The following FAR2 variants were observed in gnomAD, a reference collection of about 807,000 sequenced individuals.
FAR2 encodes the protein fatty acyl-CoA reductase 2.
FAR2 carries 19 observed loss-of-function variants against 56.0 expected under a neutral mutation model. The ratio of observed to expected loss-of-function variants is 0.34; its 90% confidence interval spans 0.24 to 0.50. The LOEUF (loss-of-function observed/expected upper bound fraction) is 0.50. Ranked by LOEUF, FAR2 falls within the 20% of genes least tolerant of loss-of-function variation. The pLI is 0.98. For missense variants in FAR2, 508 were observed against 642.2 expected (o/e 0.79, Z 2.26); for synonymous variants, 219 against 218.8 (o/e 1.00, Z -0.01).
chr12:29,331,287 G>T (rs1450678770), intron 10 of FAR2: 1 of 150,946 alleles, frequency 6.6e-6, no homozygotes, highest in Non-Finnish European at 1.5e-5. Context: ...GGAGAGAGAA[G>T]AGTGCCCAAT....
At chr12:29,197,153 C>G (rs1591844372) in intron 1 of FAR2, among the ~76,000 whole-genome samples, 1 of 152,124 alleles carries the variant, frequency 6.6e-6, no homozygotes, top group Non-Finnish European at 1.5e-5. Context: ...TCAATACTAA[C>G]TTTAGCCTGT....
intron 2 of FAR2, among the ~76,000 whole-genome samples, chr12:29,275,198 T>C (rs539600975): frequency 2.0e-5 from 3 of 151,540 alleles, no homozygotes; most frequent in East Asian, 2.0e-4. Flanking sequence ...GGCCGTTTTA[T>C]AGGATTTGGG....
chr12:29,279,745 T>C (rs1948757423), intron 2 of FAR2, among the ~76,000 whole-genome samples: 1 of 152,116 alleles, frequency 6.6e-6, no homozygotes. Context: ...ATGCTCTAGA[T>C]ACTCTCTCCT....
chr12:29,172,201 G>A (rs112726747), intron 1 of FAR2, among the ~76,000 whole-genome samples: 29 of 148,954 alleles, frequency 1.9e-4, no homozygotes, highest in Admixed American at 4.7e-4. Flanking sequence ...CTGCCCGGCC[G>A]CCCCACCGTC....
rs1949085693 is a variant in FAR2 at position 29,297,151 on chromosome 12, G to A, written c.496G>A (p.Val166Ile). Residue 166 changes from valine to isoleucine, a missense_variant, in exon 4 of 12, where the codon GTT becomes ATT. Coordinates refer to ENST00000536681, the MANE Select transcript of FAR2 (RefSeq NM_001271783.2). ...TTGTAACCTGAAGCACATCGATGAA[G>A]TTATCTATCCGTGCCCTGTGGAGCC... ...SNCNLKHIDEVIYPCPVEPKK... is the reference protein window; with the variant it reads ...SNCNLKHIDEIIYPCPVEPKK... 6.2e-7 allele frequency: 1 copy of A among 1,613,984 alleles called. No individual in the cohort carries two copies. Among genetic ancestry groups the A allele is most frequent in the Middle Eastern group, 1.7e-4 (1 of 6,038 alleles).
intron 1 of FAR2, among the ~76,000 whole-genome samples, chr12:29,206,082 G>T (rs1441652076): frequency 6.6e-6 from 1 of 152,196 alleles, no homozygotes; most frequent in East Asian, 1.9e-4. Flanking sequence ...TATTCAGCCA[G>T]TGAGAATGGT....
chr12:29,210,084 T>C (rs1947525990), intron 1 of FAR2, among the ~76,000 whole-genome samples: 1 of 152,054 alleles, frequency 6.6e-6, no homozygotes, highest in Admixed American at 6.6e-5. Flanking sequence ...GGCGTGCACC[T>C]GTAGTCCCAG....
At chr12:29,333,537 T>C (rs1949760464) in intron 11 of FAR2, 95 bp from the exon 12 acceptor site, 6 of 1,165,170 alleles carry the variant, frequency 5.1e-6, no homozygotes, top group South Asian at 1.5e-5. Context: ...CATAAATACT[T>C]GCCAGTCATA....
At chr12:29,240,994 CG>C (rs1565484389) in intron 1 of FAR2, among the ~76,000 whole-genome samples, 1 of 152,120 alleles carries the variant, frequency 6.6e-6, no homozygotes, top group East Asian at 1.9e-4. Flanking sequence ...TTAGTAGAGA[CG>C]GGGTTTCACC....
At chr12:29,293,829 C>CAT (rs1048420558) in intron 3 of FAR2, among the ~76,000 whole-genome samples, 10 of 152,010 alleles carry the variant, frequency 6.6e-5, no homozygotes, top group African/African-American at 1.2e-4. Context: ...TTCCATTGTA[C>CAT]ATATATATAT....
intron 6 of FAR2, among the ~76,000 whole-genome samples, chr12:29,309,576 A>T (rs1949311829): frequency 6.6e-6 from 1 of 152,160 alleles, no homozygotes; most frequent in Non-Finnish European, 1.5e-5. Context: ...TGAATTGAGG[A>T]TGCAGTAAAA....
intron 1 of FAR2, among the ~76,000 whole-genome samples, chr12:29,173,270 C>T (rs377692829): frequency 9.2e-5 from 14 of 152,112 alleles, no homozygotes; most frequent in Non-Finnish European, 1.9e-4. Flanking sequence ...ACCGATAGCC[C>T]GGGGGTTTTT....
chr12:29,152,631 G>A (rs1010048395), intron 1 of FAR2, among the ~76,000 whole-genome samples: 10 of 152,156 alleles, frequency 6.6e-5, no homozygotes, highest in African/African-American at 2.4e-4. Flanking sequence ...CTCTGTGCAG[G>A]GGCATGCAGT....
chr12:29,307,879 G>C, intron 5 of FAR2, 44 bp downstream of exon 5: 1 of 1,563,124 alleles, frequency 6.4e-7, no homozygotes, highest in Non-Finnish European at 8.7e-7. Context: ...TCCAAACTAA[G>C]GTTCTTCTAG....
intron 1 of FAR2, among the ~76,000 whole-genome samples, chr12:29,262,586 T>C (rs6487794): frequency 0.96 from 146,827 of 152,276 alleles, 71,005 homozygotes; most frequent in East Asian, 1. Context: ...GCCAAGATTG[T>C]GCCACTGCAC....
intron 1 of FAR2, among the ~76,000 whole-genome samples, chr12:29,178,568 T>G (rs1212796325): frequency 6.6e-6 from 1 of 152,192 alleles, no homozygotes; most frequent in African/African-American, 2.4e-5. Context: ...TGAGCCACAA[T>G]AGTGCCACTG....
chr12:29,217,755 G>A (rs1268400128), intron 1 of FAR2, among the ~76,000 whole-genome samples: 1 of 152,106 alleles, frequency 6.6e-6, no homozygotes. Flanking sequence ...AAAATACAAT[G>A]TTCCAGCATA....
chr12:29,172,567 T>C (rs1425970259), intron 1 of FAR2, among the ~76,000 whole-genome samples: 1 of 152,086 alleles, frequency 6.6e-6, no homozygotes. Context: ...TGGTCCCTAT[T>C]ATAGAACGCT....
At chr12:29,253,710 T>G (rs1948271356) in intron 1 of FAR2, among the ~76,000 whole-genome samples, 1 of 152,194 alleles carries the variant, frequency 6.6e-6, no homozygotes, top group East Asian at 1.9e-4. Context: ...CATTTAACTG[T>G]GGTTCTCAAT....
Sources: gnomAD v4.1 joint callset for allele counts (sites outside exome capture counted in the v4.1 genomes callset) on GRCh38, gnomAD v4.1.1 for gene constraint, MANE v1.5 for transcripts, NCBI Gene and HGNC (gene_info 2026-07-23, HGNC 2026-07-21) for gene names.